Variants in CHRM2 observed in about 807,000 individuals in gnomAD.
CHRM2 encodes muscarinic acetylcholine receptor M2.
Under a neutral mutation model 25.0 loss-of-function variants are expected in CHRM2, and 8 were observed. The observed-to-expected ratio is 0.32, with a 90% CI of 0.19 to 0.58. The LOEUF is 0.58. CHRM2 is among the 20% of genes least tolerant of loss of function. CHRM2 has a pLI of 0.88. For missense variants in CHRM2, 440 were observed against 567.1 expected (o/e 0.78, Z 2.28); for synonymous variants, 202 against 205.7 (o/e 0.98, Z 0.15).
intron 3 of CHRM2, among the ~76,000 whole-genome samples, chr7:137,010,033 T>C (rs1804700170): frequency 6.6e-6 from 1 of 152,042 alleles, no homozygotes; most frequent in South Asian, 2.1e-4. Context: ...GTTTAATACT[T>C]AATACTAATA....
chr7:137,005,745 T>C (rs1804381080), intron 3 of CHRM2, among the ~76,000 whole-genome samples: 1 of 152,124 alleles, frequency 6.6e-6, no homozygotes, highest in Non-Finnish European at 1.5e-5. Flanking sequence ...TTCTAGAATT[T>C]TCTATCATAG....
intron 2 of CHRM2, among the ~76,000 whole-genome samples, chr7:136,928,697 C>A (rs1056633666): frequency 6.6e-6 from 1 of 152,170 alleles, no homozygotes; most frequent in Non-Finnish European, 1.5e-5. Context: ...TGCAGCTATA[C>A]CATTCCTGGC....
chr7:136,896,316 A>T (rs2350779), intron 2 of CHRM2, among the ~76,000 whole-genome samples: 22,842 of 152,106 alleles, frequency 0.15, 2,126 homozygotes, highest in East Asian at 0.27. Context: ...CAAATTTCTG[A>T]TTTCTCAATG....
chr7:137,016,518 AC>A lies in CHRM2; in HGVS notation c.*253del, dbSNP rs1805200016. The A allele has an allele frequency of 2.1e-6, 1 of 485,882 alleles. No individual in the cohort carries two copies. 30.1% of individuals were successfully genotyped at this position (485,882 alleles called of 1,614,324 possible). A position where few individuals can be genotyped will look rare whatever the true frequency, so the allele number is the denominator to read the frequency against. ...CATGTTGGGATCGTGGATTTAAGAAACTATACACTGTTTCTCATAATCTCTT... is the reference window on the plus strand; with the variant it reads ...CATGTTGGGATCGTGGATTTAAGAAATATACACTGTTTCTCATAATCTCTT... On this transcript the variant is annotated 3_prime_UTR_variant, in exon 4 of 4. Coordinates refer to ENST00000680005, the MANE Select transcript of CHRM2 (RefSeq NM_001006630.2).
intron 2 of CHRM2, among the ~76,000 whole-genome samples, chr7:136,978,912 C>T (rs897715112): frequency 2.6e-5 from 4 of 152,096 alleles, no homozygotes; most frequent in South Asian, 4.1e-4. Context: ...AATAAACATA[C>T]GTGTGCATGT....
intron 2 of CHRM2, among the ~76,000 whole-genome samples, chr7:136,911,934 T>C (rs1584742187): frequency 6.6e-6 from 1 of 151,916 alleles, no homozygotes; most frequent in African/African-American, 2.4e-5. Context: ...TTTTTACATA[T>C]TATAACCATA....
intron 2 of CHRM2, among the ~76,000 whole-genome samples, chr7:136,905,952 AT>A (rs1209719642): frequency 4.0e-5 from 6 of 149,120 alleles, no homozygotes; most frequent in Non-Finnish European, 8.9e-5. Context: ...CCAAAATGTT[AT>A]TTTTTTTTCA....
chr7:136,914,723 T>C (rs567761982), intron 2 of CHRM2, among the ~76,000 whole-genome samples: 2 of 152,064 alleles, frequency 1.3e-5, no homozygotes, highest in South Asian at 2.1e-4. Flanking sequence ...TTCTCATTTA[T>C]AAAATAGGGA....
intron 2 of CHRM2, among the ~76,000 whole-genome samples, chr7:136,975,798 G>T (rs1282845982): frequency 2.0e-5 from 3 of 152,144 alleles, no homozygotes; most frequent in African/African-American, 4.8e-5. Flanking sequence ...ACAGCCAACT[G>T]ATGTAAACCA....
At chr7:136,938,165 T>C (rs1584788278) in intron 2 of CHRM2, 1 of 697,372 alleles carries the variant, frequency 1.4e-6, no homozygotes, top group African/African-American at 1.7e-5. Context: ...ATACTATCTC[T>C]GCCCACTCTT....
chr7:136,994,634 G>A (rs1483040145), intron 3 of CHRM2, among the ~76,000 whole-genome samples: 4 of 146,186 alleles, frequency 2.7e-5, no homozygotes, highest in African/African-American at 1.0e-4. Flanking sequence ...GGGTCCAAGC[G>A]ATTCTCCCTT....
chr7:136,908,452 C>T (rs1797672842), intron 2 of CHRM2, among the ~76,000 whole-genome samples: 1 of 151,832 alleles, frequency 6.6e-6, no homozygotes, highest in South Asian at 2.1e-4. Context: ...TACATTATTG[C>T]AATACCTCTC....
Position 136,877,332 on chromosome 7 carries a change from A to G in CHRM2, c.-125+7914A>G, listed in dbSNP as rs61100743. ...AGATACCTGTGTGTTTAGATGGGAC[A>G]CAGTCCCATTTGCATACAATATGTC... On this transcript the variant is annotated intron_variant, in intron 2 of 3. Coordinates refer to ENST00000680005, the MANE Select transcript of CHRM2 (RefSeq NM_001006630.2). Among the ~76,000 whole-genome samples the G allele has an allele frequency of 4.3e-3, 658 of 152,188 alleles. 3 individuals are homozygous for G. The highest frequency in any genetic ancestry group is 0.015 in the African/African-American group (628 of 41,566).
In CHRM2 at chr7:136,984,181, G is replaced by C. The variant is rs192070305; in HGVS notation, c.-124-8006G>C. On this transcript the variant is annotated intron_variant, in intron 2 of 3. Coordinates refer to ENST00000680005, the MANE Select transcript of CHRM2 (RefSeq NM_001006630.2). ...AGAGGCAGTCTGGCTATAGTGGTTT[G>C]GTAGTGATGTGGTGGGCTCCACCCA... Among the ~76,000 whole-genome samples the C allele has an allele frequency of 3.2e-3, 494 of 152,104 alleles. 2 individuals carry two copies. Among genetic ancestry groups the C allele is most frequent in the Non-Finnish European group, 4.7e-3 (317 of 67,972 alleles).
chr7:136,878,861 C>T (rs117183209), intron 2 of CHRM2, among the ~76,000 whole-genome samples: 2 of 151,950 alleles, frequency 1.3e-5, no homozygotes, highest in Non-Finnish European at 2.9e-5. Flanking sequence ...TACTATACCA[C>T]AAGCAGTTCT....
intron 2 of CHRM2, among the ~76,000 whole-genome samples, chr7:136,963,344 G>A (rs1156643325): frequency 1.3e-5 from 2 of 152,126 alleles, no homozygotes; most frequent in African/African-American, 4.8e-5. Flanking sequence ...GAGCAGTGGA[G>A]AAACAGAGTT....
chr7:137,011,215 G>GTGTGTGTATA, intron 3 of CHRM2, among the ~76,000 whole-genome samples: 26 of 134,338 alleles, frequency 1.9e-4, no homozygotes, highest in African/African-American at 7.4e-4. Flanking sequence ...GTGTGTGTGT[G>GTGTGTGTATA]TATATATATA....
At chr7:136,893,977 C>T (rs539062087) in intron 2 of CHRM2, among the ~76,000 whole-genome samples, 7 of 152,262 alleles carry the variant, frequency 4.6e-5, no homozygotes, top group Non-Finnish European at 1.0e-4. Flanking sequence ...CTTTATGCTT[C>T]CTCTTCTCTT....
At chr7:136,879,681 T>C (rs1796186230) in intron 2 of CHRM2, among the ~76,000 whole-genome samples, 1 of 151,982 alleles carries the variant, frequency 6.6e-6, no homozygotes, top group Non-Finnish European at 1.5e-5. Flanking sequence ...CTCCTCTCCC[T>C]CGCAGTTTGT....
Sources: allele counts gnomAD v4.1 joint callset (sites outside exome capture counted in the v4.1 genomes callset), GRCh38; gene constraint gnomAD v4.1.1; transcripts MANE v1.5; gene names NCBI Gene and HGNC (gene_info 2026-07-23, HGNC 2026-07-21).